The following ABCA12 variants were observed in gnomAD, a reference collection of about 807,000 sequenced individuals.
ABCA12 encodes ATP binding cassette subfamily A member 12.
ABCA12 carries 156 observed loss-of-function variants against 293.5 expected under a neutral mutation model. The observed-to-expected ratio is 0.53, with a 90% confidence interval of 0.47 to 0.61. The LOEUF is 0.61. Ranked by LOEUF, ABCA12 falls within the 20% of genes least tolerant of loss-of-function variation. The pLI is 0.00. For missense variants in ABCA12, 2,797 were observed against 3,090.2 expected, an observed-to-expected ratio of 0.91 and a Z score of 2.25; for synonymous variants, 1,063 against 1,108.0, an observed-to-expected ratio of 0.96 and a Z score of 0.81.
intron 1 of ABCA12, among the ~76,000 whole-genome samples, chr2:215,133,795 T>G (rs1445123741): frequency 6.6e-6 from 1 of 152,140 alleles, no homozygotes; most frequent in African/African-American, 2.4e-5. Flanking sequence ...TTCCAAGGCC[T>G]CCTTAGCAGA....
intron 4 of ABCA12, 104 bp from the exon 5 acceptor site, chr2:215,052,688 C>T: frequency 1.0e-6 from 1 of 971,596 alleles, no homozygotes; most frequent in Non-Finnish European, 1.6e-6. Context: ...ATATACCCTA[C>T]AGCAAGGATG....
In ABCA12 at chr2:215,001,540, T is replaced by C; in HGVS notation, c.2863+18A>G. 1 of 1,613,404 alleles carries C rather than the reference T, an allele frequency of 6.2e-7. No homozygotes were observed. Among genetic ancestry groups the C allele is most frequent in the Non-Finnish European group, 8.5e-7 (1 of 1,179,560 alleles). On this transcript the variant is annotated intron_variant, in intron 21 of 52. Coordinates refer to ENST00000272895, the MANE Select transcript of ABCA12 (RefSeq NM_173076.3). ...TTAGCACAAAGAGATGCTCAAACCC[T>C]AATAGAACAGCACTTACTTCCAAAG...
intron 43 of ABCA12, 141 bp downstream of exon 43, chr2:214,955,060 GA>G: frequency 1.8e-6 from 2 of 1,092,086 alleles, no homozygotes; most frequent in South Asian, 3.0e-5. Flanking sequence ...GGCCCAAAAA[GA>G]ATTTTAAAAG....
intron 22 of ABCA12, among the ~76,000 whole-genome samples, chr2:214,999,504 C>T (rs748290981): frequency 2.0e-5 from 3 of 152,146 alleles, no homozygotes; most frequent in Non-Finnish European, 1.5e-5. Flanking sequence ...AATGGGAAAT[C>T]ACTTTATATG....
intron 8 of ABCA12, among the ~76,000 whole-genome samples, chr2:215,034,351 C>G (rs1700945243): frequency 6.6e-6 from 1 of 152,148 alleles, no homozygotes; most frequent in Non-Finnish European, 1.5e-5. Flanking sequence ...TTGAAGTGTG[C>G]TCATACGTCA....
chr2:215,100,737 C>T (rs1028381564), intron 2 of ABCA12, among the ~76,000 whole-genome samples: 1 of 152,140 alleles, frequency 6.6e-6, no homozygotes, highest in Non-Finnish European at 1.5e-5. Context: ...CTAGGCACAT[C>T]CTTGTAGAAT....
intron 1 of ABCA12, among the ~76,000 whole-genome samples, chr2:215,129,346 G>T (rs1401944345): frequency 2.6e-5 from 4 of 152,180 alleles, no homozygotes; most frequent in Non-Finnish European, 4.4e-5. Context: ...TCATGTCCCT[G>T]GTGCTGCCTG....
At chr2:215,117,445 A>T (rs1702709503) in intron 1 of ABCA12, among the ~76,000 whole-genome samples, 2 of 152,186 alleles carry the variant, frequency 1.3e-5, no homozygotes, top group Admixed American at 1.3e-4. Flanking sequence ...TCAATGCAAA[A>T]TTTTCATTTA....
intron 6 of ABCA12, among the ~76,000 whole-genome samples, chr2:215,048,481 G>A (rs899816158): frequency 6.6e-6 from 1 of 151,988 alleles, no homozygotes; most frequent in African/African-American, 2.4e-5. Flanking sequence ...GGTCACTTGA[G>A]GTCAGGAGTT....
intron 8 of ABCA12, 60 bp downstream of exon 8, chr2:215,036,893 T>A: frequency 6.9e-7 from 1 of 1,451,520 alleles, no homozygotes; most frequent in Non-Finnish European, 9.7e-7. Flanking sequence ...GCACTCTGCT[T>A]TATATTTCCA....
intron 10 of ABCA12, 81 bp downstream of exon 10, chr2:215,026,739 A>G (rs879499075): frequency 3.3e-6 from 4 of 1,197,210 alleles, no homozygotes; most frequent in Non-Finnish European, 5.0e-6. Flanking sequence ...TTCCTGTGTA[A>G]GCAAATGCCT....
chr2:215,087,437 A>T (rs1236944759), intron 2 of ABCA12, among the ~76,000 whole-genome samples: 2 of 152,100 alleles, frequency 1.3e-5, no homozygotes, highest in Non-Finnish European at 2.9e-5. Flanking sequence ...TCTTAAGAGC[A>T]AATATAGATA....
intron 23 of ABCA12, among the ~76,000 whole-genome samples, chr2:214,996,071 C>G (rs1700026554): frequency 6.6e-6 from 1 of 152,074 alleles, no homozygotes; most frequent in East Asian, 1.9e-4. Context: ...GACTTTGACC[C>G]CAAGACAAAG....
intron 2 of ABCA12, among the ~76,000 whole-genome samples, chr2:215,081,256 TC>T (rs761014255): frequency 1.1e-4 from 17 of 151,858 alleles, no homozygotes; most frequent in Non-Finnish European, 2.2e-4. Flanking sequence ...GGCAGTCCGA[TC>T]ACCTGAGATC....
At chr2:215,107,773 T>G (rs1265873415) in intron 2 of ABCA12, among the ~76,000 whole-genome samples, 1 of 152,216 alleles carries the variant, frequency 6.6e-6, no homozygotes, top group Non-Finnish European at 1.5e-5. Context: ...GGGAGCAGAA[T>G]GTACCCACAG....
In ABCA12 at chr2:215,054,607, G is replaced by A; in HGVS notation, c.375C>T (p.Ser125=). 6.2e-7 allele frequency: 1 copy of A among 1,612,138 alleles called. No homozygotes were observed. Among genetic ancestry groups the A allele is most frequent in the Non-Finnish European group, 8.5e-7 (1 of 1,178,592 alleles). Residue 125 remains serine (S), a synonymous_variant, in exon 4 of 53, where the codon AGC becomes AGT. Transcript: ENST00000272895. Reference sequence around the variant, plus strand: ...CATGCCTTCTTTCTGGAACTTGGGTGCTCTGGAATGATAAACTGCTGTCCT... The same window carrying A: ...CATGCCTTCTTTCTGGAACTTGGGTACTCTGGAATGATAAACTGCTGTCCT... ...LDKDSSLSFQ[S]TQVPERRHAS...
At chr2:215,076,077 A>G (rs1191348962) in intron 2 of ABCA12, among the ~76,000 whole-genome samples, 2 of 152,222 alleles carry the variant, frequency 1.3e-5, no homozygotes, top group Non-Finnish European at 2.9e-5. Flanking sequence ...AATGTGTGTC[A>G]CAACCTTTTC....
intron 33 of ABCA12, among the ~76,000 whole-genome samples, chr2:214,977,031 G>T (rs1488621180): frequency 6.6e-6 from 1 of 152,148 alleles, no homozygotes; most frequent in African/African-American, 2.4e-5. Context: ...ATACAAAGCT[G>T]CTTAATTTAA....
chr2:215,116,617 T>C (rs1702692095), intron 1 of ABCA12, among the ~76,000 whole-genome samples: 1 of 152,140 alleles, frequency 6.6e-6, no homozygotes, highest in Admixed American at 6.5e-5. Context: ...CATGAATCTA[T>C]GCTGATGGAA....
Sources: gnomAD v4.1 joint callset for allele counts (sites outside exome capture counted in the v4.1 genomes callset) on GRCh38, gnomAD v4.1.1 for gene constraint, MANE v1.5 for transcripts, NCBI Gene and HGNC (gene_info 2026-07-23, HGNC 2026-07-21) for gene names.